GPR158: variants seen among roughly 807,000 people sequenced by gnomAD.
GPR158 encodes the protein metabotropic glycine receptor.
Under a neutral mutation model 78.2 loss-of-function variants are expected in GPR158, and 30 were observed. The observed-to-expected ratio is 0.38, with a 90% CI of 0.29 to 0.52. The LOEUF (loss-of-function observed/expected upper bound fraction) is 0.52, where lower values mean the gene tolerates loss of function less well. Ranked by LOEUF, GPR158 falls within the 20% of genes least tolerant of loss-of-function variation. GPR158 has a pLI of 0.83. For missense variants in GPR158, 1,463 were observed against 1,523.5 expected (o/e 0.96, Z 0.66); for synonymous variants, 581 against 591.1 (o/e 0.98, Z 0.25).
At chr10:25,458,693 G>A (rs1411602552) in intron 4 of GPR158, among the ~76,000 whole-genome samples, 4 of 152,150 alleles carry the variant, frequency 2.6e-5, no homozygotes, top group African/African-American at 9.7e-5. Flanking sequence ...GAGGCTCAAA[G>A]GTTGAACAAC....
chr10:25,575,464 G>A (rs1459213839), intron 7 of GPR158, among the ~76,000 whole-genome samples: 1 of 152,008 alleles, frequency 6.6e-6, no homozygotes, highest in African/African-American at 2.4e-5. Flanking sequence ...CATCACCTGG[G>A]GACTTGTTAG....
chr10:25,234,050 T>C (rs1417697325), intron 2 of GPR158, among the ~76,000 whole-genome samples: 2 of 152,234 alleles, frequency 1.3e-5, no homozygotes, highest in African/African-American at 4.8e-5. Context: ...TAAATATCAA[T>C]GGACATAACC....
chr10:25,220,489 T>C (rs781480993), intron 1 of GPR158, among the ~76,000 whole-genome samples: 1 of 152,206 alleles, frequency 6.6e-6, no homozygotes, highest in Non-Finnish European at 1.5e-5. Context: ...AAAAAGAATG[T>C]AGTCATCATT....
intron 7 of GPR158, among the ~76,000 whole-genome samples, chr10:25,576,318 A>G (rs1837095232): frequency 6.6e-6 from 1 of 152,138 alleles, no homozygotes; most frequent in Admixed American, 6.6e-5. Context: ...TCATTCCTGA[A>G]TTATGAAGAA....
chr10:25,266,501 G>C (rs559606210), intron 2 of GPR158, among the ~76,000 whole-genome samples: 13 of 152,176 alleles, frequency 8.5e-5, no homozygotes, highest in African/African-American at 3.1e-4. Context: ...AATGGGATTC[G>C]GTTCCATTTA....
intron 6 of GPR158, among the ~76,000 whole-genome samples, chr10:25,551,954 C>T (rs2130713332): frequency 6.6e-6 from 1 of 152,228 alleles, no homozygotes; most frequent in South Asian, 2.1e-4. Flanking sequence ...GAATAAAAAT[C>T]TCCTAATATG....
intron 4 of GPR158, among the ~76,000 whole-genome samples, chr10:25,433,549 G>GT (rs1294748334): frequency 1.5e-5 from 2 of 134,610 alleles, no homozygotes; most frequent in Non-Finnish European, 1.6e-5. Context: ...TGTGTGTGTT[G>GT]TGTGTGTGTG....
Position 25,589,029 on chromosome 10 carries a change from G to T in GPR158, c.1776G>T (p.Trp592Cys), listed in dbSNP as rs774047881. 7.6e-6 allele frequency: 12 copies of T among 1,578,582 alleles called. No homozygotes were observed. The highest frequency in any genetic ancestry group is 1.0e-5 in the Non-Finnish European group (12 of 1,155,628). ...TAVAEFLFLL[W>C]GVYLCYAVRT... ...CAGCTGAATTTTTATTCCTCTTGTG[G>T]GGTGTTTATCTCTGCTATGCAGTGC... Residue 592 changes from tryptophan to cysteine, a missense_variant, in exon 8 of 11, where the codon TGG becomes TGT. Coordinates refer to ENST00000376351, the MANE Select transcript of GPR158 (RefSeq NM_020752.3).
At chr10:25,198,173 T>C (rs575017455) in intron 1 of GPR158, among the ~76,000 whole-genome samples, 21 of 152,238 alleles carry the variant, frequency 1.4e-4, no homozygotes, top group Non-Finnish European at 2.5e-4. Flanking sequence ...AGGATAGATA[T>C]TCCATGCTGA....
chr10:25,526,665 C>T (rs772232676), intron 5 of GPR158, among the ~76,000 whole-genome samples: 1 of 152,204 alleles, frequency 6.6e-6, no homozygotes, highest in Non-Finnish European at 1.5e-5. Flanking sequence ...AAAGAGGCTT[C>T]CTCTGTAAAG....
chr10:25,244,009 A>G (rs1037256256), intron 2 of GPR158: 12 of 152,152 alleles, frequency 7.9e-5, no homozygotes, highest in Non-Finnish European at 1.6e-4. Flanking sequence ...TGGACAGTAA[A>G]TATTTCCAGG....
intron 2 of GPR158, among the ~76,000 whole-genome samples, chr10:25,326,474 C>T (rs1855035049): frequency 6.6e-6 from 1 of 152,126 alleles, no homozygotes; most frequent in South Asian, 2.1e-4. Flanking sequence ...AATGTTTTCT[C>T]CCATTCTGTA....
chr10:25,452,304 G>A (rs1043698370), intron 4 of GPR158, among the ~76,000 whole-genome samples: 6 of 151,908 alleles, frequency 3.9e-5, no homozygotes, highest in Admixed American at 2.0e-4. Context: ...CCCCTGCCTC[G>A]CAAAATGCTA....
chr10:25,249,391 G>A (rs1853755720), intron 2 of GPR158, among the ~76,000 whole-genome samples: 1 of 152,160 alleles, frequency 6.6e-6, no homozygotes, highest in Non-Finnish European at 1.5e-5. Flanking sequence ...TCTTGTGCCA[G>A]TTTTCAAAGG....
intron 5 of GPR158, among the ~76,000 whole-genome samples, chr10:25,500,171 C>CA (rs1485636738): frequency 2.6e-5 from 4 of 152,134 alleles, no homozygotes; most frequent in African/African-American, 9.7e-5. Context: ...GAGGAAGATA[C>CA]GACAGATGTG....
At chr10:25,344,918 T>C (rs570352149) in intron 2 of GPR158, among the ~76,000 whole-genome samples, 2 of 152,132 alleles carry the variant, frequency 1.3e-5, no homozygotes, top group Admixed American at 6.6e-5. Flanking sequence ...TCTCACTCTA[T>C]CTTCAAATGG....
At chr10:25,521,197 G>A (rs1042809401) in intron 5 of GPR158, among the ~76,000 whole-genome samples, 81 of 152,344 alleles carry the variant, frequency 5.3e-4, no homozygotes, top group Admixed American at 1.2e-3. Flanking sequence ...CTTCCCAGGT[G>A]AGGCAATGCC....
intron 4 of GPR158, among the ~76,000 whole-genome samples, chr10:25,431,665 A>T (rs1834908557): frequency 6.7e-6 from 1 of 149,384 alleles, no homozygotes; most frequent in African/African-American, 2.5e-5. Flanking sequence ...TACACCATGG[A>T]ATACTATGCA....
At chr10:25,328,946 A>G (rs1460695344) in intron 2 of GPR158, among the ~76,000 whole-genome samples, 1 of 149,542 alleles carries the variant, frequency 6.7e-6, no homozygotes, top group East Asian at 2.0e-4. Context: ...AAAAAAAAAA[A>G]AAGAATTACT....
Sources: gnomAD v4.1 joint callset for allele counts (sites outside exome capture counted in the v4.1 genomes callset) on GRCh38, gnomAD v4.1.1 for gene constraint, MANE v1.5 for transcripts, NCBI Gene and HGNC (gene_info 2026-07-23, HGNC 2026-07-21) for gene names.